CFAP61: variants seen among roughly 807,000 people sequenced by gnomAD.
CFAP61 encodes cilia and flagella associated protein 61.
Under a neutral mutation model 135.6 loss-of-function variants are expected in CFAP61, and 107 were observed. That is an observed-to-expected ratio of 0.79 (90% CI 0.67 to 0.93). The LOEUF is 0.93. CFAP61 is among the 40% of genes least tolerant of loss of function. CFAP61 has a pLI of 0.00. For missense variants in CFAP61, 1,507 were observed against 1,556.2 expected, an observed-to-expected ratio of 0.97 and a Z score of 0.53; for synonymous variants, 575 against 578.5, an observed-to-expected ratio of 0.99 and a Z score of 0.09.
At position 20,298,227 on chromosome 20, in the gene CFAP61, G is replaced by A. The variant is rs760689597; in HGVS notation, c.3263G>A (p.Arg1088Gln). 14 of 1,613,954 alleles carry A rather than the reference G, an allele frequency of 8.7e-6. No individual in the cohort carries two copies. Among genetic ancestry groups the A allele is most frequent in the East Asian group, 2.2e-5 (1 of 44,882 alleles). The change falls in exon 25 of 27, where the codon CGA becomes CAA. Residue 1088 changes from arginine (R) to glutamine (Q), a missense_variant. Arg to Gln is a conservative substitution (Grantham distance 43). Transcript: ENST00000245957. ...AGTGCGAAAAATGGGACTTACTTCC[G>A]AATTCATATTAACAAGTATAAAATG... ...TGSAKNGTYF[R>Q]IHINKYKMVE...
intron 8 of CFAP61, among the ~76,000 whole-genome samples, chr20:20,112,291 T>C (rs1406463978): frequency 6.6e-6 from 1 of 152,156 alleles, no homozygotes; most frequent in Non-Finnish European, 1.5e-5. Flanking sequence ...AGCGTGGGCA[T>C]TGACAAATTT....
At chr20:20,293,251 G>A (rs575766643) in intron 24 of CFAP61, among the ~76,000 whole-genome samples, 13 of 152,336 alleles carry the variant, frequency 8.5e-5, no homozygotes, top group Admixed American at 6.5e-4. Flanking sequence ...AGTCAGAGGA[G>A]GAGCCAAAAG....
At chr20:20,165,318 A>G (rs991854644) in intron 11 of CFAP61, among the ~76,000 whole-genome samples, 1 of 152,108 alleles carries the variant, frequency 6.6e-6, no homozygotes, top group East Asian at 1.9e-4. Flanking sequence ...CCACAAGGAG[A>G]TGGAGAAGAT....
chr20:20,186,297 C>T (rs2055493494), intron 13 of CFAP61, among the ~76,000 whole-genome samples: 1 of 152,210 alleles, frequency 6.6e-6, no homozygotes, highest in Non-Finnish European at 1.5e-5. Flanking sequence ...TATATGGTTT[C>T]TCTCACTTCG....
At chr20:20,316,867 G>T (rs1339510141) in intron 25 of CFAP61, 1 of 132,566 alleles carries the variant, frequency 7.5e-6, no homozygotes, top group African/African-American at 2.7e-5. Flanking sequence ...GGATGACAGA[G>T]TGAGACTCTG....
Position 20,290,299 on chromosome 20 carries a change from G to A in CFAP61, c.3125-1G>A, listed in dbSNP as rs1364501791. ...AATGGAAAACTTGCCATCTCTTCTAGGGGGCATTCTTCCTGGGTCTTACCA... is the reference window on the plus strand; with the variant it reads ...AATGGAAAACTTGCCATCTCTTCTAAGGGGCATTCTTCCTGGGTCTTACCA... On this transcript the variant is annotated splice_acceptor_variant, in intron 23 of 26. Transcript: ENST00000245957. LOFTEE classifies it high-confidence loss of function. The A allele has an allele frequency of 1.2e-6, 2 of 1,603,374 alleles. No individual in the cohort carries two copies. Among genetic ancestry groups the A allele is most frequent in the Admixed American group, 1.7e-5 (1 of 60,008 alleles).
chr20:20,320,262 AATG>A (rs1459626018), intron 25 of CFAP61, among the ~76,000 whole-genome samples: 1 of 142,908 alleles, frequency 7.0e-6, no homozygotes, highest in Non-Finnish European at 1.5e-5. Context: ...CTGGAGAGTT[AATG>A]ATGATAAGCA....
intron 2 of CFAP61, among the ~76,000 whole-genome samples, chr20:20,068,840 G>A (rs902272065): frequency 1.2e-4 from 18 of 152,204 alleles, no homozygotes; most frequent in Non-Finnish European, 2.2e-4. Context: ...TGCCTCCCAG[G>A]TTCAAGCCAT....
intron 15 of CFAP61, among the ~76,000 whole-genome samples, chr20:20,192,021 G>T (rs964813964): frequency 6.6e-6 from 1 of 152,022 alleles, no homozygotes; most frequent in Admixed American, 6.6e-5. Context: ...TCTAATAGGG[G>T]AGTGTTCTCT....
chr20:20,165,160 A>G (rs1443674918), intron 11 of CFAP61, among the ~76,000 whole-genome samples: 1 of 152,104 alleles, frequency 6.6e-6, no homozygotes, highest in Non-Finnish European at 1.5e-5. Flanking sequence ...TGGGCCTAAG[A>G]CCACTGACAT....
chr20:20,235,803 C>G (rs909522672), intron 18 of CFAP61, among the ~76,000 whole-genome samples: 1 of 152,150 alleles, frequency 6.6e-6, no homozygotes, highest in Non-Finnish European at 1.5e-5. Flanking sequence ...GAAACAGCCC[C>G]GCCTGAAAAC....
At chr20:20,256,114 G>T (rs1291942569) in intron 20 of CFAP61, among the ~76,000 whole-genome samples, 2 of 152,216 alleles carry the variant, frequency 1.3e-5, no homozygotes, top group African/African-American at 4.8e-5. Context: ...AACAATCTCA[G>T]ATCCTCCAGA....
intron 20 of CFAP61, among the ~76,000 whole-genome samples, chr20:20,259,180 G>A (rs1239409156): frequency 6.6e-6 from 1 of 150,450 alleles, no homozygotes; most frequent in African/African-American, 2.4e-5. Context: ...AAAATATCTG[G>A]AGAAAAGCAA....
At chr20:20,291,630 C>T (rs938921275) in intron 24 of CFAP61, among the ~76,000 whole-genome samples, 7 of 152,116 alleles carry the variant, frequency 4.6e-5, no homozygotes, top group Admixed American at 4.6e-4. Flanking sequence ...CTGAAATATC[C>T]ACTTTCATGT....
At chr20:20,207,408 G>A (rs897767107) in intron 17 of CFAP61, among the ~76,000 whole-genome samples, 3 of 152,188 alleles carry the variant, frequency 2.0e-5, no homozygotes, top group African/African-American at 7.2e-5. Flanking sequence ...TCTCCTCCCT[G>A]CAGAGCCAGG....
chr20:20,272,374 C>T (rs1054091524), intron 21 of CFAP61, among the ~76,000 whole-genome samples: 2 of 152,064 alleles, frequency 1.3e-5, no homozygotes, highest in Admixed American at 6.6e-5. Flanking sequence ...TGCAGTGAGC[C>T]GAGATGGTGC....
chr20:20,306,296 T>C (rs2056473062), intron 25 of CFAP61, among the ~76,000 whole-genome samples: 1 of 152,232 alleles, frequency 6.6e-6, no homozygotes, highest in South Asian at 2.1e-4. Context: ...CATGGAGTTC[T>C]GCAAGAAGTA....
intron 17 of CFAP61, among the ~76,000 whole-genome samples, chr20:20,209,808 G>A (rs1408290822): frequency 1.3e-5 from 2 of 152,162 alleles, no homozygotes; most frequent in African/African-American, 4.8e-5. Flanking sequence ...CGTGGCAGGC[G>A]GGGAGGAGGC....
At chr20:20,268,025 G>A (rs2052932215) in intron 21 of CFAP61, among the ~76,000 whole-genome samples, 1 of 152,250 alleles carries the variant, frequency 6.6e-6, no homozygotes, top group African/African-American at 2.4e-5. Flanking sequence ...ATGCACGTTT[G>A]AAAAGTCGCA....
Sources: gnomAD v4.1 joint callset for allele counts (sites outside exome capture counted in the v4.1 genomes callset) on GRCh38, gnomAD v4.1.1 for gene constraint, MANE v1.5 for transcripts, NCBI Gene and HGNC (gene_info 2026-07-23, HGNC 2026-07-21) for gene names.